The following KCNH7 variants were observed in gnomAD, a reference collection of about 807,000 sequenced individuals.
KCNH7 encodes potassium voltage-gated channel subfamily H member 7, also known as voltage-gated inwardly rectifying potassium channel KCNH7.
KCNH7 carries 49 observed loss-of-function variants against 120.8 expected under a neutral mutation model. The observed-to-expected ratio is 0.41, with a 90% confidence interval of 0.32 to 0.51. The LOEUF (loss-of-function observed/expected upper bound fraction) is 0.51. Among genes scored for constraint, KCNH7 ranks in the 20% least tolerant of loss-of-function variants. The pLI, the probability that KCNH7 is intolerant of heterozygous loss-of-function variation, is 0.38. For missense variants in KCNH7, 1,097 were observed against 1,446.6 expected, an observed-to-expected ratio of 0.76 and a Z score of 3.92; for synonymous variants, 547 against 516.1, an observed-to-expected ratio of 1.06 and a Z score of -0.81.
At chr2:162,825,084 A>G (rs1395355029) in intron 2 of KCNH7, among the ~76,000 whole-genome samples, 1 of 152,032 alleles carries the variant, frequency 6.6e-6, no homozygotes, top group Non-Finnish European at 1.5e-5. Flanking sequence ...TTAAATAGTA[A>G]ATTATTTAAA....
chr2:162,765,122 A>G (rs1682737487), intron 2 of KCNH7, among the ~76,000 whole-genome samples: 2 of 152,130 alleles, frequency 1.3e-5, no homozygotes, highest in African/African-American at 4.8e-5. Context: ...TCAAGCTGCT[A>G]CTAACACCAA....
chr2:162,518,111 TGTAA>T lies in KCNH7; in HGVS notation c.507_510del (p.Tyr170GlufsTer25). 1 of 1,612,120 alleles carries T rather than the reference TGTAA, an allele frequency of 6.2e-7. No homozygotes were observed. Among genetic ancestry groups the T allele is most frequent in the Non-Finnish European group, 8.5e-7 (1 of 1,178,684 alleles). ...TCTTCTTGTGGTAAGGACTGCTTTC[TGTAA>T]GTGAGAACTCTCAGACCAGGGAATT... On this transcript the variant is annotated frameshift_variant, in exon 4 of 16. Coordinates refer to ENST00000332142, the MANE Select transcript of KCNH7 (RefSeq NM_033272.4). LOFTEE classifies it high-confidence loss of function.
chr2:162,562,212 T>A (rs1574104994), intron 2 of KCNH7, among the ~76,000 whole-genome samples: 1 of 152,142 alleles, frequency 6.6e-6, no homozygotes, highest in Non-Finnish European at 1.5e-5. Flanking sequence ...AGTATAATTT[T>A]AAAAAAAGTA....
At chr2:162,568,014 A>T (rs1403219625) in intron 2 of KCNH7, among the ~76,000 whole-genome samples, 1 of 152,060 alleles carries the variant, frequency 6.6e-6, no homozygotes, top group Non-Finnish European at 1.5e-5. Context: ...TAATTTATAA[A>T]TTAAAAAGTT....
At chr2:162,537,362 T>C (rs1268534874) in intron 2 of KCNH7, among the ~76,000 whole-genome samples, 4 of 152,016 alleles carry the variant, frequency 2.6e-5, no homozygotes, top group Non-Finnish European at 5.9e-5. Flanking sequence ...CCTATAATAG[T>C]TAATTTTTAA....
At chr2:162,498,503 T>A (rs1223066448) in intron 6 of KCNH7, among the ~76,000 whole-genome samples, 1 of 19,888 alleles carries the variant, frequency 5.0e-5, no homozygotes, top group Admixed American at 7.4e-4. Context: ...GGGGGGAGGG[T>A]GGGGGTGTGC....
In KCNH7 at chr2:162,442,986, A is replaced by C. The variant is rs1210574136; in HGVS notation, c.1554+3032T>G. Among the ~76,000 whole-genome samples the C allele has an allele frequency of 2.0e-5, 3 of 152,158 alleles. No homozygotes were observed. In the East Asian group the frequency reaches 5.8e-4, roughly 29 times the overall value. On this transcript the variant is annotated intron_variant, in intron 7 of 15. Transcript: ENST00000332142. ...TACTGTGTAGAAATATTCATCTATG[A>C]ACATATGAAAGCCCTCTCCTGGGAT...
intron 2 of KCNH7, among the ~76,000 whole-genome samples, chr2:162,768,658 C>T (rs977623295): frequency 6.6e-6 from 1 of 152,222 alleles, no homozygotes; most frequent in African/African-American, 2.4e-5. Flanking sequence ...AAACAAGGAA[C>T]AAAGAGCTTC....
intron 2 of KCNH7, among the ~76,000 whole-genome samples, chr2:162,815,597 G>A (rs185117255): frequency 1.9e-4 from 29 of 152,328 alleles, no homozygotes; most frequent in Admixed American, 6.5e-4. Flanking sequence ...ACACAGACTG[G>A]AAGGCAAGGG....
intron 2 of KCNH7, among the ~76,000 whole-genome samples, chr2:162,615,344 C>T (rs1471427529): frequency 6.6e-6 from 1 of 152,136 alleles, no homozygotes; most frequent in Non-Finnish European, 1.5e-5. Flanking sequence ...ACATTGTCTA[C>T]AAATATGTCC....
chr2:162,440,299 A>G (rs2105536093), intron 7 of KCNH7, among the ~76,000 whole-genome samples: 1 of 152,130 alleles, frequency 6.6e-6, no homozygotes, highest in African/African-American at 2.4e-5. Context: ...GATAGAATGA[A>G]TGATCACTGA....
At chr2:162,590,290 C>T (rs1031136798) in intron 2 of KCNH7, among the ~76,000 whole-genome samples, 1 of 152,056 alleles carries the variant, frequency 6.6e-6, no homozygotes, top group Non-Finnish European at 1.5e-5. Context: ...TATCCGAGTG[C>T]ATCTGAGTGG....
chr2:162,414,498 A>G (rs1231571606), intron 9 of KCNH7, among the ~76,000 whole-genome samples: 1 of 151,700 alleles, frequency 6.6e-6, no homozygotes, highest in African/African-American at 2.4e-5. Context: ...ATGCCATTAA[A>G]AGGAATGAAT....
intron 2 of KCNH7, among the ~76,000 whole-genome samples, chr2:162,623,132 T>C (rs1377099810): frequency 6.6e-6 from 1 of 152,190 alleles, no homozygotes; most frequent in Admixed American, 6.5e-5. Flanking sequence ...ATTCTGTTTT[T>C]CAAAAGCAGT....
At chr2:162,576,909 T>TATTC (rs1191081188) in intron 2 of KCNH7, among the ~76,000 whole-genome samples, 2 of 151,754 alleles carry the variant, frequency 1.3e-5, no homozygotes, top group African/African-American at 4.8e-5. Flanking sequence ...TTTTCTTCTT[T>TATTC]ATTTATTTAT....
intron 2 of KCNH7, among the ~76,000 whole-genome samples, chr2:162,827,995 G>A (rs577227462): frequency 2.2e-4 from 33 of 152,184 alleles, no homozygotes; most frequent in African/African-American, 7.5e-4. Flanking sequence ...AAAATCTGAA[G>A]AGCACATCTG....
chr2:162,495,228 C>G (rs1221769988), intron 6 of KCNH7, among the ~76,000 whole-genome samples: 1 of 152,152 alleles, frequency 6.6e-6, no homozygotes, highest in Non-Finnish European at 1.5e-5. Context: ...AGGAATCAAG[C>G]ATGACCTGCA....
intron 6 of KCNH7, among the ~76,000 whole-genome samples, chr2:162,461,581 A>G (rs1558957874): frequency 6.6e-6 from 1 of 152,366 alleles, no homozygotes; most frequent in Admixed American, 6.5e-5. Context: ...GAGCAAGTCA[A>G]TTATGCAATG....
chr2:162,531,414 G>A (rs6746119), intron 3 of KCNH7, among the ~76,000 whole-genome samples: 6,121 of 151,886 alleles, frequency 0.04, 443 homozygotes, highest in African/African-American at 0.14. Flanking sequence ...CAACTATTCC[G>A]TGGGAAAATA....
Sources: allele counts gnomAD v4.1 joint callset (sites outside exome capture counted in the v4.1 genomes callset), GRCh38; gene constraint gnomAD v4.1.1; transcripts MANE v1.5; gene names NCBI Gene and HGNC (gene_info 2026-07-23, HGNC 2026-07-21).